The following CUL2 variants were observed in gnomAD, a reference collection of about 807,000 sequenced individuals.
CUL2 encodes cullin 2, also known as cullin-2.
A neutral mutation model predicts 110.2 loss-of-function variants in CUL2; 22 were observed. The observed-to-expected ratio is 0.20, with a 90% CI of 0.14 to 0.28. The LOEUF (loss-of-function observed/expected upper bound fraction) is 0.28, where lower values mean the gene tolerates loss of function less well. Among genes scored for constraint, CUL2 ranks in the 10% least tolerant of loss-of-function variants. The pLI is 1.00. For synonymous variants in CUL2, 279 were observed against 293.2 expected (o/e 0.95, Z 0.49); for missense variants, 631 against 905.5 (o/e 0.70, Z 3.89).
chr10:35,122,851 T>C (rs963029347), intron 1 of CUL2, among the ~76,000 whole-genome samples: 5 of 152,222 alleles, frequency 3.3e-5, no homozygotes, highest in Admixed American at 6.5e-5. Context: ...TTAGCCAGGC[T>C]GTTTGTTCTC....
intron 1 of CUL2, among the ~76,000 whole-genome samples, chr10:35,126,306 AAGC>A (rs2087818611): frequency 6.6e-6 from 1 of 152,204 alleles, no homozygotes; most frequent in Admixed American, 6.5e-5. Context: ...TGACCCTAAG[AAGC>A]AGGTGAATTG....
rs772148074 is a variant in CUL2 at position 35,025,217 on chromosome 10, A to AAC, written c.1618-21_1618-20dup. On this transcript the variant is annotated intron_variant, in intron 16 of 20. Transcript: ENST00000374749. ...ATTCAAACTGTAAAAAAAAAAAAAA[A>AAC]ACACACATTATTTTTAGCTACTATA... 20 of 1,536,668 alleles carry AAC rather than the reference A, an allele frequency of 1.3e-5. No individual in the cohort carries two copies. The South Asian group carries it at 2.0e-4, about 15-fold the overall frequency.
chr10:35,017,903 G>A (rs1408380359), intron 17 of CUL2, among the ~76,000 whole-genome samples: 2 of 150,236 alleles, frequency 1.3e-5, no homozygotes, highest in African/African-American at 4.9e-5. Context: ...AAAGAAAAAA[G>A]ATGCAGATCA....
intron 17 of CUL2, among the ~76,000 whole-genome samples, chr10:35,020,455 T>C (rs949367661): frequency 1.3e-5 from 2 of 152,224 alleles, no homozygotes; most frequent in East Asian, 3.8e-4. Context: ...ATTTAGTCAA[T>C]AGAATCGTTA....
At chr10:35,116,579 A>C (rs1488015148) in intron 1 of CUL2, among the ~76,000 whole-genome samples, 1 of 152,088 alleles carries the variant, frequency 6.6e-6, no homozygotes, top group Non-Finnish European at 1.5e-5. Context: ...TTTCAATCTG[A>C]AATTTTCCTT....
chr10:35,062,678 A>C (rs1325094654), intron 3 of CUL2, among the ~76,000 whole-genome samples: 4 of 151,914 alleles, frequency 2.6e-5, no homozygotes, highest in African/African-American at 9.7e-5. Context: ...ACCAAAAAAA[A>C]AAAAAAAAAA....
intron 1 of CUL2, among the ~76,000 whole-genome samples, chr10:35,077,772 G>A (rs1200056114): frequency 2.7e-5 from 4 of 150,060 alleles, no homozygotes; most frequent in South Asian, 2.1e-4. Flanking sequence ...AGTCGAGATC[G>A]TGCCATTGCA....
intron 11 of CUL2, 125 bp from the exon 12 acceptor site, chr10:35,032,619 GTTTGTTAATATT>G (rs2085506779): frequency 1.6e-6 from 1 of 626,310 alleles, no homozygotes; most frequent in African/African-American, 1.9e-5. Context: ...ATTGCCGGTA[GTTTGTTAATATT>G]TTCATGCCTA....
chr10:35,035,128 G>C (rs767619383), intron 10 of CUL2, 44 bp downstream of exon 10: 9 of 1,611,044 alleles, frequency 5.6e-6, no homozygotes, highest in East Asian at 2.2e-5. Context: ...CTCCACGCTG[G>C]ATCTGATTAG....
chr10:35,091,628 T>C (rs897136017), upstream of CUL2, among the ~76,000 whole-genome samples: 1 of 152,132 alleles, frequency 6.6e-6, no homozygotes, highest in African/African-American at 2.4e-5. Context: ...TGGTCCTTTT[T>C]TTTTTTGGAT....
At chr10:35,121,758 C>A (rs186600176) in intron 1 of CUL2, among the ~76,000 whole-genome samples, 1 of 149,596 alleles carries the variant, frequency 6.7e-6, no homozygotes, top group East Asian at 2.0e-4. Flanking sequence ...TACAGTGAAC[C>A]ATGATCGCAC....
intron 17 of CUL2, among the ~76,000 whole-genome samples, chr10:35,021,431 A>G (rs1474108155): frequency 6.6e-6 from 1 of 151,226 alleles, no homozygotes; most frequent in Non-Finnish European, 1.5e-5. Context: ...TTATATATGT[A>G]TGTATATATA....
Position 35,119,560 on chromosome 10 carries a change from TTTTATTTATTTATTTATTTA to T in CUL2, c.-51+7025_-51+7044del, listed in dbSNP as rs10589195. Among the ~76,000 whole-genome samples the T allele has an allele frequency of 1.1e-3, 158 of 140,740 alleles. 1 individual carries two copies. In the East Asian group the frequency reaches 0.023, roughly 21 times the overall value. The allele number at this position is 140,740 out of a possible 152,430, so 92.3% of individuals were successfully genotyped here. ...ATTTTTAGGGAGGTTTTAAAATTAA[TTTTATTTATTTATTTATTTA>T]TTTATTTATTTATTTATTTATTTAT... On this transcript the variant is annotated intron_variant, in intron 1 of 5. Transcript: ENST00000685421.
chr10:35,056,504 A>C (rs1242221848), intron 4 of CUL2, among the ~76,000 whole-genome samples: 2 of 152,164 alleles, frequency 1.3e-5, no homozygotes, highest in African/African-American at 2.4e-5. Context: ...CCAAAGGTCA[A>C]TCGGCTCCTA....
At chr10:35,074,924 G>A (rs940570494) in intron 1 of CUL2, among the ~76,000 whole-genome samples, 3 of 152,198 alleles carry the variant, frequency 2.0e-5, no homozygotes, top group African/African-American at 4.8e-5. Flanking sequence ...GAGTGTTTCT[G>A]AGAGTGGGGA....
At position 35,035,310 on chromosome 10, in the gene CUL2, G is replaced by C. The variant is rs780781813; in HGVS notation, c.878-14C>G. 1.9e-6 allele frequency: 3 copies of C among 1,613,040 alleles called. No individual in the cohort carries two copies. In the East Asian group the frequency reaches 6.7e-5, roughly 36 times the overall value. ...TATTTGCCATGTCTGAGAGGAAAAA[G>C]ACATCTGAGGGTTAACTCCCAAATA... On this transcript the variant is annotated splice_polypyrimidine_tract_variant and intron_variant, in intron 9 of 20. Transcript: ENST00000374749.
intron 10 of CUL2, among the ~76,000 whole-genome samples, chr10:35,033,512 G>A (rs575308618): frequency 2.6e-5 from 4 of 152,112 alleles, no homozygotes; most frequent in East Asian, 1.9e-4. Context: ...TGAGGCGGGC[G>A]GATCATGAGG....
chr10:35,081,341 A>T (rs906979179), intron 1 of CUL2, among the ~76,000 whole-genome samples: 3 of 152,202 alleles, frequency 2.0e-5, no homozygotes, highest in Admixed American at 2.0e-4. Context: ...TTGTTTCTTA[A>T]GTTTTCACAT....
chr10:35,104,166 G>A (rs1204609787), intron 1 of CUL2, among the ~76,000 whole-genome samples: 1 of 152,214 alleles, frequency 6.6e-6, no homozygotes, highest in East Asian at 1.9e-4. Flanking sequence ...GACACCAGAG[G>A]CTGGGCGTAG....
Sources: allele counts gnomAD v4.1 joint callset (sites outside exome capture counted in the v4.1 genomes callset), GRCh38; gene constraint gnomAD v4.1.1; transcripts MANE v1.5; gene names NCBI Gene and HGNC (gene_info 2026-07-23, HGNC 2026-07-21).